The following WDFY4 variants were observed in gnomAD, a reference collection of about 807,000 sequenced individuals.
WDFY4 encodes WDFY family member 4, also known as WD repeat- and FYVE domain-containing protein 4.
Under a neutral mutation model 351.9 loss-of-function variants are expected in WDFY4, and 169 were observed. The ratio of observed to expected loss-of-function variants is 0.48; its 90% CI spans 0.42 to 0.55. The LOEUF (loss-of-function observed/expected upper bound fraction) is 0.55. Among genes scored for constraint, WDFY4 ranks in the 20% least tolerant of loss-of-function variants. The pLI is 0.00. For missense variants in WDFY4, 3,803 were observed against 3,935.6 expected, an observed-to-expected ratio of 0.97 and a Z score of 0.90; for synonymous variants, 1,622 against 1,574.6, an observed-to-expected ratio of 1.03 and a Z score of -0.71.
chr10:48,694,091 G>A (rs2063267904), intron 1 of WDFY4, among the ~76,000 whole-genome samples: 1 of 152,200 alleles, frequency 6.6e-6, no homozygotes, highest in Non-Finnish European at 1.5e-5. Context: ...AGCTAAATGG[G>A]ATGATTGTGT....
Position 48,737,601 on chromosome 10 carries a change from G to A in WDFY4, c.1878+1531G>A, listed in dbSNP as rs146886915. On this transcript the variant is annotated intron_variant, in intron 11 of 61. Coordinates refer to ENST00000325239, the MANE Select transcript of WDFY4 (RefSeq NM_001394531.1). ...ATTGCGTGGTCCATCCAAAAGTGGCGTCATGACCATAATCATCATGTTTCA... is the reference window on the plus strand; with the variant it reads ...ATTGCGTGGTCCATCCAAAAGTGGCATCATGACCATAATCATCATGTTTCA... Among the ~76,000 whole-genome samples, 11 of 152,262 alleles carry A rather than the reference G, an allele frequency of 7.2e-5. No homozygotes were observed. The East Asian group carries it at 1.2e-3, about 16-fold the overall frequency.
chr10:48,725,694 C>T (rs944574875), intron 5 of WDFY4, among the ~76,000 whole-genome samples, 187 bp from the exon 6 acceptor site: 2 of 152,142 alleles, frequency 1.3e-5, no homozygotes, highest in Non-Finnish European at 2.9e-5. Flanking sequence ...GAGCCCCAGG[C>T]CCTGCCACCC....
intron 55 of WDFY4, chr10:48,968,037 A>G (rs530824636): frequency 6.6e-6 from 1 of 152,328 alleles, no homozygotes; most frequent in East Asian, 1.9e-4. Flanking sequence ...TGAGGTGCAA[A>G]CCACATCAAC....
chr10:48,868,487 T>A (rs2069636839), intron 40 of WDFY4, among the ~76,000 whole-genome samples: 1 of 152,208 alleles, frequency 6.6e-6, no homozygotes, highest in South Asian at 2.1e-4. Context: ...TTGCTGACTG[T>A]GCTGCACAGC....
At chr10:48,688,635 A>G (rs1428970768) in intron 1 of WDFY4, among the ~76,000 whole-genome samples, 1 of 152,194 alleles carries the variant, frequency 6.6e-6, no homozygotes, top group Non-Finnish European at 1.5e-5. Flanking sequence ...ATTTTAAACA[A>G]GAATCATTTT....
chr10:48,963,565 T>C (rs978234539), intron 53 of WDFY4, among the ~76,000 whole-genome samples: 47 of 152,274 alleles, frequency 3.1e-4, no homozygotes, highest in Middle Eastern at 3.4e-3. Context: ...CTGCACCTCA[T>C]AGATACTGTG....
chr10:48,719,875 G>C, intron 2 of WDFY4, 136 bp from the exon 3 acceptor site: 1 of 698,550 alleles, frequency 1.4e-6, no homozygotes, highest in Non-Finnish European at 2.5e-6. Context: ...GGTGGGTGAC[G>C]TGGTGGCCTT....
chr10:48,766,866 G>A (rs745801603), intron 13 of WDFY4, among the ~76,000 whole-genome samples: 3 of 152,186 alleles, frequency 2.0e-5, no homozygotes, highest in Non-Finnish European at 2.9e-5. Context: ...GTCCAGAGAG[G>A]TAATGAACAT....
rs774880731 is a variant in WDFY4, at chr10:48,734,022, G to A, written c.1674G>A (p.Ser558=). The A allele has an allele frequency of 1.4e-5, 21 of 1,551,922 alleles. No homozygotes were observed. Among genetic ancestry groups the A allele is most frequent in the South Asian group, 1.1e-4 (9 of 84,064 alleles). ...LRIVVTLLKG[S]VRNAVVLKDH... ...TTGTAGTCACACTTCTGAAAGGCTC[G>A]GTGAGGAATGCAGGTAAGGATGGTG... The change falls in exon 10 of 62, where the codon TCG becomes TCA. Residue 558 remains serine, a synonymous_variant. Coordinates refer to ENST00000325239, the MANE Select transcript of WDFY4 (RefSeq NM_001394531.1).
intron 51 of WDFY4, 111 bp from the exon 52 acceptor site, chr10:48,957,018 A>G: frequency 7.2e-7 from 1 of 1,385,264 alleles, no homozygotes; most frequent in Non-Finnish European, 9.7e-7. Context: ...AGGAGAGTAA[A>G]TGAGAGGAGC....
chr10:48,869,750 C>T (rs2069691146), intron 40 of WDFY4, among the ~76,000 whole-genome samples: 1 of 152,216 alleles, frequency 6.6e-6, no homozygotes, highest in South Asian at 2.1e-4. Flanking sequence ...CCTGCCTACA[C>T]AGTCTTTACT....
At position 48,704,204 on chromosome 10, in the gene WDFY4, C is replaced by T. The variant is rs147209458; in HGVS notation, c.-17-5512C>T. ...CGGGACCATGTGGATGAGGAGAAGC[C>T]GAGTCTCAGAGAGGGGAAGTGACTC... On this transcript the variant is annotated intron_variant, in intron 1 of 61. Coordinates refer to ENST00000325239, the MANE Select transcript of WDFY4 (RefSeq NM_001394531.1). Among the ~76,000 whole-genome samples, 23 of 152,192 alleles carry T rather than the reference C, an allele frequency of 1.5e-4. No homozygotes were observed. The East Asian group carries it at 4.5e-3, about 29-fold the overall frequency.
chr10:48,787,953 T>TCTCCTTCTC (rs1565199237), intron 20 of WDFY4, among the ~76,000 whole-genome samples: 1 of 93,540 alleles, frequency 1.1e-5, no homozygotes, highest in Non-Finnish European at 2.2e-5. Flanking sequence ...TTCTTCTTCT[T>TCTCCTTCTC]CTTCTTCTTC....
chr10:48,923,766 C>G (rs1839330298), intron 47 of WDFY4, among the ~76,000 whole-genome samples: 1 of 152,118 alleles, frequency 6.6e-6, no homozygotes. Flanking sequence ...TTCTGGCCAC[C>G]AGATTCCCCT....
Position 48,875,124 on chromosome 10 carries a change from A to G in WDFY4, c.6984A>G (p.Thr2328=), listed in dbSNP as rs1453069154. The change falls in exon 42 of 62, where the codon ACA becomes ACG. Residue 2328 remains threonine, a synonymous_variant. Transcript: ENST00000325239. ...SQDKNDHISQ[T]NAENQDELTL... is the part of the protein sequence containing the mutation. ...ACAAAAATGATCATATTTCTCAAACAAATGCTGAAAACCAAGGTATTCAGT... is the reference window on the plus strand; with the variant it reads ...ACAAAAATGATCATATTTCTCAAACGAATGCTGAAAACCAAGGTATTCAGT... 5 of 1,487,986 alleles carry G rather than the reference A, an allele frequency of 3.4e-6. No homozygotes were observed. The highest frequency in any genetic ancestry group is 1.7e-4 in the Middle Eastern group (1 of 5,814). 92.2% of individuals were successfully genotyped at this position (1,487,986 alleles called of 1,614,324 possible).
intron 47 of WDFY4, among the ~76,000 whole-genome samples, 152 bp from the exon 48 acceptor site, chr10:48,941,654 G>A (rs1589961002): frequency 6.6e-6 from 1 of 152,288 alleles, no homozygotes; most frequent in East Asian, 1.9e-4. Context: ...CAGTCTCCCT[G>A]TGCTGTCCGC....
rs374411644 is a variant in WDFY4 at position 48,763,215 on chromosome 10, A to G, written c.2553+2775A>G. Among the ~76,000 whole-genome samples, 240 of 152,330 alleles carry G rather than the reference A, an allele frequency of 1.6e-3. 2 individuals are homozygous for G. The highest frequency in any genetic ancestry group is 5.4e-3 in the African/African-American group (226 of 41,580). On this transcript the variant is annotated intron_variant, in intron 13 of 61. Transcript: ENST00000325239. ...ACAGCAACCTTTTGAAGTCCATGAG[A>G]TGCTTCCCATTCTGCAGGTATTTGG... is the stretch of plus-strand genomic sequence containing the variant.
chr10:48,914,510 C>T (rs898285915), intron 47 of WDFY4, among the ~76,000 whole-genome samples: 6 of 152,214 alleles, frequency 3.9e-5, no homozygotes, highest in Admixed American at 3.9e-4. Context: ...TATAAATACT[C>T]TCCACTGTCC....
intron 47 of WDFY4, among the ~76,000 whole-genome samples, chr10:48,904,368 A>G (rs1199387291): frequency 6.6e-6 from 1 of 152,234 alleles, no homozygotes; most frequent in Admixed American, 6.5e-5. Context: ...TTTATGTTTC[A>G]TATAAGCCTT....
Sources: allele counts gnomAD v4.1 joint callset (sites outside exome capture counted in the v4.1 genomes callset), GRCh38; gene constraint gnomAD v4.1.1; transcripts MANE v1.5; gene names NCBI Gene and HGNC (gene_info 2026-07-23, HGNC 2026-07-21).